ADAMTS12: variants seen among roughly 807,000 people sequenced by gnomAD.
The protein encoded by ADAMTS12 is A disintegrin and metalloproteinase with thrombospondin motifs 12.
In ADAMTS12, 118 loss-of-function variants were observed where a neutral mutation model predicts 167.8. The observed-to-expected ratio is 0.70, with a 90% CI of 0.61 to 0.82. The LOEUF (loss-of-function observed/expected upper bound fraction) is 0.82. ADAMTS12 is among the 40% of genes least tolerant of loss of function. The pLI, the probability that ADAMTS12 is intolerant of heterozygous loss-of-function variation, is 0.00. For missense variants in ADAMTS12, 1,916 were observed against 1,998.8 expected (o/e 0.96, Z 0.79); for synonymous variants, 704 against 716.9 (o/e 0.98, Z 0.29).
In ADAMTS12 at chr5:33,561,147, C is replaced by T. The variant is rs1450468474; in HGVS notation, c.4005G>A (p.Trp1335Ter). The change falls in exon 20 of 24, where the codon TGG (tryptophan) becomes TGA (stop). Residue 1335 changes from tryptophan to a stop codon, truncating the protein, a stop_gained. Coordinates refer to ENST00000504830, the MANE Select transcript of ADAMTS12 (RefSeq NM_030955.4). LOFTEE classifies it high-confidence loss of function. ...TCTGGGTGCTGCACTCCACCCTTCT[C>T]CAGTAGGCCCCCAGGCCACATGTGG... ...CSTTCGLGAY[W>*]RRVECSTQMD... 3 of 1,614,110 alleles carry T rather than the reference C, an allele frequency of 1.9e-6. No homozygotes were observed.
At chr5:33,873,976 G>C (rs1750133400) in intron 2 of ADAMTS12, among the ~76,000 whole-genome samples, 1 of 152,026 alleles carries the variant, frequency 6.6e-6, no homozygotes, top group Admixed American at 6.6e-5. Context: ...AAAATTCTTA[G>C]AGATAATACA....
At chr5:33,625,701 C>A (rs2095636975) in intron 13 of ADAMTS12, among the ~76,000 whole-genome samples, 1 of 152,018 alleles carries the variant, frequency 6.6e-6, no homozygotes, top group Non-Finnish European at 1.5e-5. Context: ...AACTGAGAGA[C>A]AAGGGTTGGG....
chr5:33,804,902 C>A (rs1747162654), intron 2 of ADAMTS12, among the ~76,000 whole-genome samples: 1 of 151,864 alleles, frequency 6.6e-6, no homozygotes, highest in Non-Finnish European at 1.5e-5. Flanking sequence ...AAACCCTGCA[C>A]TACAGAATAA....
chr5:33,562,035 T>C (rs188254810), intron 19 of ADAMTS12, among the ~76,000 whole-genome samples: 38 of 152,326 alleles, frequency 2.5e-4, no homozygotes, highest in African/African-American at 8.7e-4. Context: ...TTTCTGTCTC[T>C]AAAACCCAGG....
intron 3 of ADAMTS12, among the ~76,000 whole-genome samples, chr5:33,684,588 T>A (rs1742254065): frequency 6.6e-6 from 1 of 152,160 alleles, no homozygotes; most frequent in African/African-American, 2.4e-5. Flanking sequence ...AAAATATACA[T>A]CACACCGTTT....
intron 3 of ADAMTS12, among the ~76,000 whole-genome samples, chr5:33,736,725 G>T (rs914455389): frequency 1.8e-4 from 28 of 152,198 alleles, no homozygotes; most frequent in African/African-American, 6.3e-4. Context: ...AACATGTGAA[G>T]AATTCCCTGT....
intron 5 of ADAMTS12, among the ~76,000 whole-genome samples, chr5:33,679,677 C>T (rs986532561): frequency 6.6e-6 from 1 of 152,180 alleles, no homozygotes; most frequent in Admixed American, 6.5e-5. Flanking sequence ...TCATGCCAAT[C>T]TCAACTTGAA....
At position 33,576,679 on chromosome 5, in the gene ADAMTS12, T is replaced by A; in HGVS notation, c.3347A>T (p.Glu1116Val). The A allele has an allele frequency of 6.2e-7, 1 of 1,614,176 alleles. No homozygotes were observed. Among genetic ancestry groups the A allele is most frequent in the African/African-American group, 1.3e-5 (1 of 75,048 alleles). ...VSSSDTGPTS[E>V]GGLVATTTSG... ...TGTTGTTGTAGCTACAAGGCCTCCC[T>A]CCGAGGTAGGACCAGTATCTGAACT... The change falls in exon 19 of 24, where the codon GAG becomes GTG. Residue 1116 changes from glutamate to valine, a missense_variant. Transcript: ENST00000504830.
At chr5:33,889,952 G>A (rs769437398) in intron 1 of ADAMTS12, among the ~76,000 whole-genome samples, 2 of 151,986 alleles carry the variant, frequency 1.3e-5, no homozygotes, top group Admixed American at 6.6e-5. Context: ...ACTCAGCCTC[G>A]AAAAACAAAA....
intron 2 of ADAMTS12, among the ~76,000 whole-genome samples, chr5:33,848,215 TAAAA>T (rs779843895): frequency 7.1e-6 from 1 of 140,280 alleles, no homozygotes; most frequent in Admixed American, 7.1e-5. Context: ...AGACTCTGTT[TAAAA>T]AAAAAAAAAA....
chr5:33,730,106 C>CG (rs1281657809), intron 3 of ADAMTS12, among the ~76,000 whole-genome samples: 5 of 152,150 alleles, frequency 3.3e-5, no homozygotes, highest in Non-Finnish European at 5.9e-5. Flanking sequence ...TACCCACCCA[C>CG]GGGTAGAAAG....
chr5:33,625,664 T>C (rs1458359751), intron 13 of ADAMTS12, among the ~76,000 whole-genome samples: 1 of 152,194 alleles, frequency 6.6e-6, no homozygotes, highest in Non-Finnish European at 1.5e-5. Context: ...GGTAGTTTTA[T>C]ATTTCTAAAG....
At chr5:33,528,601 T>C (rs1743935478) in intron 23 of ADAMTS12, among the ~76,000 whole-genome samples, 1 of 152,310 alleles carries the variant, frequency 6.6e-6, no homozygotes, top group African/African-American at 2.4e-5. Context: ...ATGACGAAAG[T>C]AAGGCCTCAA....
At position 33,641,837 on chromosome 5, in the gene ADAMTS12, C is replaced by T. The variant is rs1740459275; in HGVS notation, c.1691G>A (p.Ser564Asn). 6.2e-7 allele frequency: 1 copy of T among 1,613,154 alleles called. No homozygotes were observed. Among genetic ancestry groups the T allele is most frequent in the South Asian group, 1.1e-5 (1 of 90,960 alleles). Residue 564 changes from serine (S) to asparagine (N), a missense_variant, in exon 11 of 24, where the codon AGC (serine) becomes AAC (asparagine). Physicochemically the swap from Ser to Asn is conservative, Grantham distance 46. Coordinates refer to ENST00000504830, the MANE Select transcript of ADAMTS12 (RefSeq NM_030955.4). ...CSRTCGAGVQ[S>N]AERLCNNPEP... The stretch of plus-strand genomic sequence containing the variant: ...GGGGTTGTTGCAGAGCCTCTCTGCG[C>T]TCTGGACTCCAGCCCCACAGGTCCT...
At chr5:33,802,653 G>A (rs1438571398) in intron 2 of ADAMTS12, among the ~76,000 whole-genome samples, 3 of 152,180 alleles carry the variant, frequency 2.0e-5, no homozygotes, top group Non-Finnish European at 4.4e-5. Flanking sequence ...GGCATCTAAA[G>A]TTAACATCCA....
chr5:33,527,125 G>A lies in ADAMTS12; in HGVS notation c.*63C>T. 1 of 1,588,752 alleles carries A rather than the reference G, an allele frequency of 6.3e-7. No homozygotes were observed. The highest frequency in any genetic ancestry group is 8.6e-7 in the Non-Finnish European group (1 of 1,161,286). On this transcript the variant is annotated 3_prime_UTR_variant, in exon 24 of 24. Coordinates refer to ENST00000504830, the MANE Select transcript of ADAMTS12 (RefSeq NM_030955.4). The stretch of plus-strand genomic sequence containing the variant: ...AAAACCTCAACGAAGCAGCTCCCAG[G>A]GCTAAAGCATGTCATGGTCAGCAGG...
chr5:33,677,063 A>G (rs941435414), intron 5 of ADAMTS12, among the ~76,000 whole-genome samples: 31 of 152,238 alleles, frequency 2.0e-4, no homozygotes, highest in African/African-American at 7.0e-4. Context: ...ACTCACTCTC[A>G]TTCCAGTTTT....
At chr5:33,834,005 C>T (rs971799838) in intron 2 of ADAMTS12, among the ~76,000 whole-genome samples, 1 of 150,932 alleles carries the variant, frequency 6.6e-6, no homozygotes, top group Non-Finnish European at 1.5e-5. Flanking sequence ...AAAGTGTAGG[C>T]AAGGTTAGTT....
intron 2 of ADAMTS12, among the ~76,000 whole-genome samples, chr5:33,873,402 G>GAAGGAAATAA (rs775420028): frequency 1.1e-4 from 16 of 152,130 alleles, no homozygotes; most frequent in Non-Finnish European, 2.2e-4. Context: ...AAATTCTGAT[G>GAAGGAAATAA]AAGGAAATAA....
Sources: allele counts gnomAD v4.1 joint callset (sites outside exome capture counted in the v4.1 genomes callset), GRCh38; gene constraint gnomAD v4.1.1; transcripts MANE v1.5; gene names NCBI Gene and HGNC (gene_info 2026-07-23, HGNC 2026-07-21).